The following FBXO8 variants were observed in gnomAD, a reference collection of about 807,000 sequenced individuals.
The protein encoded by FBXO8 is F-box protein 8.
FBXO8 carries 15 observed loss-of-function variants against 33.4 expected under a neutral mutation model. That is an observed-to-expected ratio of 0.45 (90% CI 0.30 to 0.69). The LOEUF (loss-of-function observed/expected upper bound fraction) is 0.69. Ranked by LOEUF, FBXO8 falls within the 30% of genes least tolerant of loss-of-function variation. The pLI is 0.08. For synonymous variants in FBXO8, 132 were observed against 131.5 expected, an observed-to-expected ratio of 1.00 and a Z score of -0.02; for missense variants, 274 against 380.3, an observed-to-expected ratio of 0.72 and a Z score of 2.32.
intron 1 of FBXO8, among the ~76,000 whole-genome samples, chr4:174,271,015 T>C (rs1736826185): frequency 6.6e-6 from 1 of 152,198 alleles, no homozygotes; most frequent in Non-Finnish European, 1.5e-5. Context: ...GAAACAATCT[T>C]TTATGGAACT....
chr4:174,238,527 C>CA (rs1214692694), intron 5 of FBXO8, among the ~76,000 whole-genome samples: 2 of 151,226 alleles, frequency 1.3e-5, no homozygotes, highest in Non-Finnish European at 3.0e-5. Context: ...AGCATACAAA[C>CA]ATACACATAT....
At position 174,254,612 on chromosome 4, in the gene FBXO8, C is replaced by T. The variant is rs1018544437; in HGVS notation, c.456+5087G>A. 2.6e-5 allele frequency among the ~76,000 whole-genome samples: 4 copies of T among 152,082 alleles called. No homozygotes were observed. The highest frequency in any genetic ancestry group is 4.8e-5 in the African/African-American group (2 of 41,422). ...AGGCAGTTATTTGAATTCAATATTG[C>T]TTTCAGGTTTATTGCCTTACCCTTA... On this transcript the variant is annotated intron_variant, in intron 3 of 5. Transcript: ENST00000393674. This position sits in a 1 kb window ranked among gnomAD's most constrained non-coding sequence, Gnocchi z 4.2.
At chr4:174,240,382 T>G (rs1736005096) in intron 4 of FBXO8, among the ~76,000 whole-genome samples, 1 of 151,836 alleles carries the variant, frequency 6.6e-6, no homozygotes, top group Admixed American at 6.6e-5. Flanking sequence ...TGAAAAATAC[T>G]GATATATACA....
intron 1 of FBXO8, among the ~76,000 whole-genome samples, chr4:174,266,061 T>G (rs1382564352): frequency 6.6e-6 from 1 of 152,176 alleles, no homozygotes; most frequent in Non-Finnish European, 1.5e-5. Context: ...TACAGAATCT[T>G]TCTAGTGGCA....
chr4:174,242,179 T>G (rs1560865297), intron 3 of FBXO8, among the ~76,000 whole-genome samples: 1 of 151,590 alleles, frequency 6.6e-6, no homozygotes, highest in Admixed American at 6.6e-5. Context: ...GCAGAGAAAA[T>G]GACGTATTAT....
Position 174,263,099 on chromosome 4 carries a change from G to A in FBXO8, c.-7C>T, listed in dbSNP as rs182356098. The A allele has an allele frequency of 3.4e-3, 5,545 of 1,608,368 alleles. 237 individuals are homozygous for A. Among genetic ancestry groups the A allele is most frequent in the Non-Finnish European group, 4.4e-4 (517 of 1,175,774 alleles). On this transcript the variant is annotated splice_region_variant and 5_prime_UTR_variant, in exon 2 of 6. Transcript: ENST00000393674. The surrounding 1 kb of genome is among the most constrained non-coding windows in gnomAD (Gnocchi z 4.2). ...TCCACAACCCTTGACCCATCTGCAAGCCTGGGAAAAAGCCAGAATGTAATA... is the reference window on the plus strand; with the variant it reads ...TCCACAACCCTTGACCCATCTGCAAACCTGGGAAAAAGCCAGAATGTAATA...
At position 174,237,408 on chromosome 4, in the gene FBXO8, C is replaced by T. The variant is rs765968851; in HGVS notation, c.*4G>A. ...AAAAACTGAAGTCCTAGCAATTGTG[C>T]TTTTTATGCAGCCACATGGCCAATA... On this transcript the variant is annotated 3_prime_UTR_variant, in exon 6 of 6. Coordinates refer to ENST00000393674, the MANE Select transcript of FBXO8 (RefSeq NM_012180.3). The surrounding 1 kb of genome is among the most constrained non-coding windows in gnomAD (Gnocchi z 4.4). 3 of 1,608,576 alleles carry T rather than the reference C, an allele frequency of 1.9e-6. No homozygotes were observed. Among genetic ancestry groups the T allele is most frequent in the Admixed American group, 1.7e-5 (1 of 59,674 alleles).
chr4:174,246,928 C>T (rs1187149336), intron 3 of FBXO8, among the ~76,000 whole-genome samples: 3 of 151,876 alleles, frequency 2.0e-5, no homozygotes, highest in Non-Finnish European at 4.4e-5. Flanking sequence ...TTTCTATCAA[C>T]AACGATGCAG....
intron 1 of FBXO8, among the ~76,000 whole-genome samples, chr4:174,280,592 C>T (rs1245133263): frequency 2.0e-5 from 3 of 152,034 alleles, no homozygotes; most frequent in Non-Finnish European, 4.4e-5. Context: ...ACCCAGGTGT[C>T]CAATAACAGA....
At position 174,261,689 on chromosome 4, in the gene FBXO8, T is replaced by C. The variant is rs993728429; in HGVS notation, c.329+1075A>G. ...AATAACAAGATATGATATTGATGAT[T>C]TTTATCTATTTAGAGGTTGAGAAAT... is the stretch of plus-strand genomic sequence containing the variant. On this transcript the variant is annotated intron_variant, in intron 2 of 5. Coordinates refer to ENST00000393674, the MANE Select transcript of FBXO8 (RefSeq NM_012180.3). The surrounding 1 kb of genome is among the most constrained non-coding windows in gnomAD (Gnocchi z 4.1). Among the ~76,000 whole-genome samples the C allele has an allele frequency of 1.3e-5, 2 of 151,992 alleles. No homozygotes were observed. Among genetic ancestry groups the C allele is most frequent in the African/African-American group, 4.8e-5 (2 of 41,422 alleles).
Position 174,275,703 on chromosome 4 carries a change from C to A in FBXO8, c.-9+7707G>T, listed in dbSNP as rs1399485279. Among the ~76,000 whole-genome samples, 1 of 152,126 alleles carries A rather than the reference C, an allele frequency of 6.6e-6. No homozygotes were observed. The highest frequency in any genetic ancestry group is 1.5e-5 in the Non-Finnish European group (1 of 68,008). On this transcript the variant is annotated intron_variant, in intron 1 of 5. Transcript: ENST00000393674. The surrounding 1 kb of genome is among the most constrained non-coding windows in gnomAD (Gnocchi z 4.4). ...GGTGAGCAAAGACATGGGAAGTCTA[C>A]CATCATTTCACAAATAGTAACTATT... is the stretch of plus-strand genomic sequence containing the variant.
Position 174,278,052 on chromosome 4 carries a change from A to C in FBXO8, c.-9+5358T>G, listed in dbSNP as rs927425955. Among the ~76,000 whole-genome samples, 2 of 152,120 alleles carry C rather than the reference A, an allele frequency of 1.3e-5. No individual in the cohort carries two copies. The highest frequency in any genetic ancestry group is 4.8e-5 in the African/African-American group (2 of 41,450). On this transcript the variant is annotated intron_variant, in intron 1 of 5. Transcript: ENST00000393674. The surrounding 1 kb of genome is among the most constrained non-coding windows in gnomAD (Gnocchi z 4.1). ...CACTTCCAAAAGAATAGACCACCAA[A>C]GAAGTTTAGAACAGACTGCGTAGAG...
In FBXO8 at chr4:174,274,117, C is replaced by A. The variant is rs1401692981; in HGVS notation, c.-9+9293G>T. Among the ~76,000 whole-genome samples the A allele has an allele frequency of 1.3e-5, 2 of 152,156 alleles. No homozygotes were observed. The highest frequency in any genetic ancestry group is 4.8e-5 in the African/African-American group (2 of 41,428). Reference sequence around the variant, plus strand: ...CCACTGGTTCTCATCTCTTTTTACCCCGTCACTGTTTATTACCTCCATCGT... The same window carrying A: ...CCACTGGTTCTCATCTCTTTTTACCACGTCACTGTTTATTACCTCCATCGT... On this transcript the variant is annotated intron_variant, in intron 1 of 5. Coordinates refer to ENST00000393674, the MANE Select transcript of FBXO8 (RefSeq NM_012180.3). This position sits in a 1 kb window ranked among gnomAD's most constrained non-coding sequence, Gnocchi z 4.0.
chr4:174,263,054 C>T lies in FBXO8; in HGVS notation c.39G>A (p.Gln13=). 6.2e-7 allele frequency: 1 copy of T among 1,613,926 alleles called. No individual in the cohort carries two copies. The highest frequency in any genetic ancestry group is 8.5e-7 in the Non-Finnish European group (1 of 1,179,926). Reference sequence around the variant, plus strand: ...GCTCACTGTAGCCTTCTTGTTGCAGCTGCTGGTTTCTGACCACTCTCCACA... The same window carrying T: ...GCTCACTGTAGCCTTCTTGTTGCAGTTGCTGGTTTCTGACCACTCTCCACA... ...QGLWRVVRNQ[Q]LQQEGYSEQG... Residue 13 remains glutamine (Q), a synonymous_variant, in exon 2 of 6, where the codon CAG becomes CAA. Transcript: ENST00000393674. The surrounding 1 kb of genome is among the most constrained non-coding windows in gnomAD (Gnocchi z 4.2).
Position 174,259,165 on chromosome 4 carries a change from T to A in FBXO8, c.456+534A>T, listed in dbSNP as rs564277520. ...CATGTTATGTTAAGAAAGAATTAAATAATTAATACAAAATTATTCAATTTT... is the reference window on the plus strand; with the variant it reads ...CATGTTATGTTAAGAAAGAATTAAAAAATTAATACAAAATTATTCAATTTT... On this transcript the variant is annotated intron_variant, in intron 3 of 5. Transcript: ENST00000393674. This position sits in a 1 kb window ranked among gnomAD's most constrained non-coding sequence, Gnocchi z 4.3. Among the ~76,000 whole-genome samples the A allele has an allele frequency of 6.7e-6, 1 of 148,552 alleles. No individual in the cohort carries two copies. Among genetic ancestry groups the A allele is most frequent in the East Asian group, 1.9e-4 (1 of 5,182 alleles).
At position 174,241,336 on chromosome 4, in the gene FBXO8, A is replaced by G; in HGVS notation, c.457-118T>C. ...TTTCCAGCATTAATAGACTTTTTGT[A>G]GCTTTATCATGCAAAATACAAGCTA... On this transcript the variant is annotated intron_variant, in intron 3 of 5. Transcript: ENST00000393674. This position sits in a 1 kb window ranked among gnomAD's most constrained non-coding sequence, Gnocchi z 4.2. The G allele has an allele frequency of 5.5e-6, 3 of 549,828 alleles. No individual in the cohort carries two copies. The highest frequency in any genetic ancestry group is 6.4e-6 in the Non-Finnish European group (2 of 311,266). 34.1% of individuals were successfully genotyped at this position (549,828 alleles called of 1,614,324 possible).
intron 3 of FBXO8, among the ~76,000 whole-genome samples, chr4:174,242,398 TTTTGAA>T (rs1278637102): frequency 6.6e-6 from 1 of 151,552 alleles, no homozygotes; most frequent in Non-Finnish European, 1.5e-5. Flanking sequence ...GAGGTAATGC[TTTTGAA>T]AGGTTATAAT....
rs562245062 is a variant in FBXO8 at position 174,251,194 on chromosome 4, C to T, written c.456+8505G>A. ...CATTTTCCACTAATTTCAGTTTTTA[C>T]CCTAGACAATTCACACTCAATGATA... On this transcript the variant is annotated intron_variant, in intron 3 of 5. Transcript: ENST00000393674. This position sits in a 1 kb window ranked among gnomAD's most constrained non-coding sequence, Gnocchi z 4.2. Among the ~76,000 whole-genome samples the T allele has an allele frequency of 6.6e-6, 1 of 152,012 alleles. No individual in the cohort carries two copies. The highest frequency in any genetic ancestry group is 1.5e-5 in the Non-Finnish European group (1 of 67,992).
Position 174,281,299 on chromosome 4 carries a change from A to G in FBXO8, c.-9+2111T>C, listed in dbSNP as rs758573978. Among the ~76,000 whole-genome samples, 1 of 152,142 alleles carries G rather than the reference A, an allele frequency of 6.6e-6. No homozygotes were observed. Among genetic ancestry groups the G allele is most frequent in the Non-Finnish European group, 1.5e-5 (1 of 68,028 alleles). On this transcript the variant is annotated intron_variant, in intron 1 of 5. Coordinates refer to ENST00000393674, the MANE Select transcript of FBXO8 (RefSeq NM_012180.3). The surrounding 1 kb of genome is among the most constrained non-coding windows in gnomAD (Gnocchi z 4.6). ...TTCATTCAAATAGCTTATGAATCCT[A>G]TGCAATCTATTCTTGAAAAATACAC...
Sources: allele counts gnomAD v4.1 joint callset (sites outside exome capture counted in the v4.1 genomes callset), GRCh38; gene constraint gnomAD v4.1.1; non-coding constraint Gnocchi (gnomAD v3.1); transcripts MANE v1.5; gene names NCBI Gene and HGNC (gene_info 2026-07-23, HGNC 2026-07-21).